Variants in PTPRN2 observed in about 807,000 individuals in gnomAD.
PTPRN2 encodes protein tyrosine phosphatase receptor type N2.
Under a neutral mutation model 118.8 loss-of-function variants are expected in PTPRN2, and 74 were observed. That is an observed-to-expected ratio of 0.62 (90% CI 0.52 to 0.76). The LOEUF is 0.76. PTPRN2 is among the 30% of genes least tolerant of loss of function. PTPRN2 has a pLI of 0.00. For synonymous variants in PTPRN2, 641 were observed against 608.0 expected (o/e 1.05, Z -0.80); for missense variants, 1,481 against 1,394.4 (o/e 1.06, Z -0.99).
At chr7:157,873,455 C>T (rs55885769) in intron 12 of PTPRN2, among the ~76,000 whole-genome samples, 4,032 of 149,822 alleles carry the variant, frequency 0.027, 193 homozygotes, top group African/African-American at 0.091. Context: ...GTCCGTCTCG[C>T]CGTGGGGGCC....
Position 157,595,324 on chromosome 7 carries a change from A to G in PTPRN2, c.2419-9T>C, listed in dbSNP as rs202188821. On this transcript the variant is annotated splice_polypyrimidine_tract_variant and intron_variant, in intron 16 of 22. Transcript: ENST00000389418. ...CTCGGGTCGTGATCCATCTGCAGAGACAAGACCACACCACAGCGGTTAGCC... is the reference window on the plus strand; with the variant it reads ...CTCGGGTCGTGATCCATCTGCAGAGGCAAGACCACACCACAGCGGTTAGCC... The G allele has an allele frequency of 1.2e-5, 19 of 1,613,278 alleles. No individual in the cohort carries two copies. The East Asian group carries it at 3.8e-4, about 32-fold the overall frequency.
chr7:158,227,177 A>G (rs1182087429), intron 3 of PTPRN2, among the ~76,000 whole-genome samples: 1 of 152,190 alleles, frequency 6.6e-6, no homozygotes, highest in Non-Finnish European at 1.5e-5. Context: ...CTGTCAAAGT[A>G]AAGAGGATGG....
intron 21 of PTPRN2, among the ~76,000 whole-genome samples, chr7:157,565,233 C>T (rs1056970742): frequency 2.0e-5 from 3 of 152,170 alleles, no homozygotes; most frequent in Non-Finnish European, 4.4e-5. Context: ...GTGTGGACAC[C>T]CCACCGTCCA....
chr7:158,047,239 A>G (rs1312823823), intron 11 of PTPRN2, among the ~76,000 whole-genome samples: 2 of 152,378 alleles, frequency 1.3e-5, no homozygotes, highest in East Asian at 3.9e-4. Context: ...CAGTCACCGA[A>G]GTCCAAAAAA....
intron 16 of PTPRN2, 119 bp from the exon 17 acceptor site, chr7:157,595,434 C>G (rs73163816): frequency 0.14 from 120,256 of 853,682 alleles, 9,659 homozygotes; most frequent in African/African-American, 0.3. Flanking sequence ...GAAGCCAGGA[C>G]GTTAAGAAAC....
intron 12 of PTPRN2, among the ~76,000 whole-genome samples, chr7:157,897,489 A>G (rs1177522355): frequency 6.6e-6 from 1 of 152,138 alleles, no homozygotes; most frequent in African/African-American, 2.4e-5. Flanking sequence ...CACCTCATTC[A>G]TCCGGCACGA....
At position 158,546,685 on chromosome 7, in the gene PTPRN2, G is replaced by A. The variant is rs1391693168; in HGVS notation, c.112+40873C>T. The stretch of plus-strand genomic sequence containing the variant: ...CTACAGAGGTGCTCTGAGGGTCTTA[G>A]GCAGAGCTGGCCATGCTTGCCTTGG... On this transcript the variant is annotated intron_variant, in intron 1 of 22. Transcript: ENST00000389418. The surrounding 1 kb of genome is among the most constrained non-coding windows in gnomAD (Gnocchi z 5.0). Among the ~76,000 whole-genome samples the A allele has an allele frequency of 6.6e-6, 1 of 152,202 alleles. No individual in the cohort carries two copies. The highest frequency in any genetic ancestry group is 1.5e-5 in the Non-Finnish European group (1 of 68,028).
intron 11 of PTPRN2, among the ~76,000 whole-genome samples, chr7:158,001,845 C>T (rs1271371188): frequency 6.6e-6 from 1 of 152,184 alleles, no homozygotes; most frequent in Non-Finnish European, 1.5e-5. Flanking sequence ...TGCCAGGCAC[C>T]GAGGAGGTGC....
intron 12 of PTPRN2, among the ~76,000 whole-genome samples, chr7:157,737,062 A>C (rs767510069): frequency 1.6e-4 from 24 of 152,226 alleles, no homozygotes; most frequent in Non-Finnish European, 2.6e-4. Flanking sequence ...AAGAAATCAC[A>C]CCAGGCGTCT....
intron 12 of PTPRN2, among the ~76,000 whole-genome samples, chr7:157,887,034 C>A (rs1796495497): frequency 6.6e-6 from 1 of 152,098 alleles, no homozygotes; most frequent in Non-Finnish European, 1.5e-5. Flanking sequence ...CGGGCCTGTC[C>A]TGGGGCCATC....
At chr7:157,659,739 T>TTTTTTA (rs565633073) in intron 13 of PTPRN2, among the ~76,000 whole-genome samples, 1 of 152,060 alleles carries the variant, frequency 6.6e-6, no homozygotes, top group Non-Finnish European at 1.5e-5. Flanking sequence ...TAATTCTTTA[T>TTTTTTA]TTTTTATTTT....
chr7:157,605,833 C>T (rs565722286), intron 15 of PTPRN2, among the ~76,000 whole-genome samples: 7 of 152,296 alleles, frequency 4.6e-5, no homozygotes, highest in Admixed American at 1.3e-4. Context: ...CACGAGTGGC[C>T]GTGGGCAGGC....
intron 1 of PTPRN2, among the ~76,000 whole-genome samples, chr7:158,522,408 A>G (rs62478274): frequency 0.13 from 7,672 of 58,824 alleles, 1,606 homozygotes; most frequent in South Asian, 0.29. Flanking sequence ...TGGACTGTCC[A>G]GGTGCTGGCT....
chr7:158,397,008 C>T (rs751876844), intron 2 of PTPRN2, among the ~76,000 whole-genome samples: 1 of 152,272 alleles, frequency 6.6e-6, no homozygotes, highest in Admixed American at 6.5e-5. Flanking sequence ...AACAAACCGA[C>T]ATCCTGTCCT....
intron 11 of PTPRN2, among the ~76,000 whole-genome samples, chr7:158,071,166 A>T (rs1373825229): frequency 8.2e-4 from 7 of 8,556 alleles, no homozygotes; most frequent in Admixed American, 2.1e-3. Context: ...CTCGTGGTGG[A>T]GGTGCTCTTA....
At chr7:157,816,745 A>ACCCTCTG (rs372660847) in intron 12 of PTPRN2, among the ~76,000 whole-genome samples, 2 of 151,868 alleles carry the variant, frequency 1.3e-5, no homozygotes. Context: ...TCTGCCCTCT[A>ACCCTCTG]CCCTCTGCCC....
chr7:158,202,438 T>C (rs1248184995), intron 4 of PTPRN2, among the ~76,000 whole-genome samples: 1 of 152,002 alleles, frequency 6.6e-6, no homozygotes, highest in Admixed American at 6.6e-5. Flanking sequence ...GAGGGAGTGA[T>C]TGTCCCCAGG....
In PTPRN2 at chr7:157,898,743, AG is replaced by A; in HGVS notation, c.1724-7del. On this transcript the variant is annotated splice_region_variant and splice_polypyrimidine_tract_variant and intron_variant, in intron 11 of 22. Coordinates refer to ENST00000389418, the MANE Select transcript of PTPRN2 (RefSeq NM_002847.5). The stretch of plus-strand genomic sequence containing the variant: ...CAGTTTGTCTTTGTTGTCAACTGTT[AG>A]GAAAAATCAGAAAGCACAAGAGTCA... The A allele has an allele frequency of 6.3e-7, 1 of 1,595,648 alleles. No homozygotes were observed. Among genetic ancestry groups the A allele is most frequent in the Non-Finnish European group, 8.6e-7 (1 of 1,163,094 alleles).
intron 19 of PTPRN2, among the ~76,000 whole-genome samples, chr7:157,575,286 A>G (rs1469538135): frequency 6.6e-6 from 1 of 152,246 alleles, no homozygotes; most frequent in East Asian, 1.9e-4. Flanking sequence ...TCTACATAGT[A>G]TGTCTTTAGA....
Sources: allele counts gnomAD v4.1 joint callset (sites outside exome capture counted in the v4.1 genomes callset), GRCh38; gene constraint gnomAD v4.1.1; non-coding constraint Gnocchi (gnomAD v3.1); transcripts MANE v1.5; gene names NCBI Gene and HGNC (gene_info 2026-07-23, HGNC 2026-07-21).